The following TAF11L13 variants were observed in gnomAD, a reference collection of about 807,000 sequenced individuals.
TAF11L13 encodes TATA-box binding protein associated factor 11 like 13.
At position 17,632,410 on chromosome 5, in the gene TAF11L13, G is replaced by A. The variant is rs560986474; in HGVS notation, c.323G>A (p.Arg108His). Reference sequence around the variant, plus strand: ...GCCATGTCTGAGGAGCAGCTGTCCCGCTACGAAGTGTGTCGCCGGTCAGCT... The same window carrying A: ...GCCATGTCTGAGGAGCAGCTGTCCCACTACGAAGTGTGTCGCCGGTCAGCT... The change falls in exon 1 of 1, where the codon CGC (arginine) becomes CAC (histidine). Residue 108 changes from arginine (R) to histidine (H), a missense_variant. Physicochemically the swap from Arg to His is conservative, Grantham distance 29. Coordinates refer to ENST00000639073, the Ensembl canonical transcript of TAF11L13. 2,159 of 398,404 alleles carry A rather than the reference G, an allele frequency of 5.4e-3. 78 individuals are homozygous for A. The highest frequency in any genetic ancestry group is 0.039 in the African/African-American group (1,916 of 48,542). 24.7% of individuals were successfully genotyped at this position (398,404 alleles called of 1,614,324 possible). A position where few individuals can be genotyped will look rare whatever the true frequency, so the allele number is the denominator to read the frequency against.
At chr5:17,632,501 G>C (rs1052859143) in exon 1 of TAF11L13, 4 of 398,460 alleles carry the variant, frequency 1.0e-5, no homozygotes, top group African/African-American at 8.3e-5. Context: ...CTGAGAACGC[G>C]GCCATTGCCA....
chr5:17,632,131 C>T (rs1292636085), exon 1 of TAF11L13: 9 of 397,244 alleles, frequency 2.3e-5, no homozygotes, highest in Non-Finnish European at 4.0e-5. Context: ...GAGATGCTCG[C>T]CATGCCCCGA....
chr5:17,632,671 G>C (rs574891750), exon 1 of TAF11L13: 9 of 398,466 alleles, frequency 2.3e-5, no homozygotes, highest in Non-Finnish European at 4.0e-5. Flanking sequence ...AACTACAAAA[G>C]AGTCATGTTC....
exon 1 of TAF11L13, chr5:17,632,376 C>G (rs1284396423): frequency 5.0e-6 from 2 of 398,274 alleles, no homozygotes. Context: ...GATGACAACC[C>G]TGCTGTCTGC....
exon 1 of TAF11L13, chr5:17,632,490 T>G: frequency 2.5e-6 from 1 of 398,526 alleles, no homozygotes; most frequent in Non-Finnish European, 4.4e-6. Context: ...CAGTTCGGTG[T>G]CTGAGAACGC....
exon 1 of TAF11L13, chr5:17,632,311 A>G (rs1579627743): frequency 5.0e-6 from 2 of 398,014 alleles, no homozygotes; most frequent in Non-Finnish European, 4.4e-6. Context: ...CGGAAAACAC[A>G]TACGAAACGC....
chr5:17,632,654 C>T (rs1246134870), exon 1 of TAF11L13: 1 of 398,348 alleles, frequency 2.5e-6, no homozygotes, highest in South Asian at 1.3e-4. Context: ...GCCTCTTCCC[C>T]AACAGCAACT....
exon 1 of TAF11L13, chr5:17,632,264 T>C (rs1739706559): frequency 2.5e-6 from 1 of 397,696 alleles, no homozygotes; most frequent in Non-Finnish European, 4.4e-6. Flanking sequence ...AAGGTGACAG[T>C]GAGGCCTCAG....
At chr5:17,632,359 C>G (rs1383086748) in exon 1 of TAF11L13, 1 of 398,140 alleles carries the variant, frequency 2.5e-6, no homozygotes, top group Non-Finnish European at 4.4e-6. Flanking sequence ...GCAGAGGAGG[C>G]TCAGAGGATG....
At position 17,632,467 on chromosome 5, in the gene TAF11L13, G is replaced by A. The variant is rs143107710; in HGVS notation, c.380G>A (p.Arg127Gln). 5.2e-3 allele frequency: 2,084 copies of A among 398,544 alleles called. 75 individuals carry two copies. Among genetic ancestry groups the A allele is most frequent in the African/African-American group, 0.039 (1,896 of 48,566 alleles). 24.7% of individuals were successfully genotyped at this position (398,544 alleles called of 1,614,324 possible). Residue 127 changes from arginine to glutamine, a missense_variant, in exon 1 of 1, where the codon CGG (arginine) becomes CAG (glutamine). Physicochemically the swap from Arg to Gln is conservative, Grantham distance 43 (BLOSUM62 1). Coordinates refer to ENST00000639073, the Ensembl canonical transcript of TAF11L13. ...AGAGCACGCATTGCGGGTCTGATGC[G>A]GTCTATCACTGGCAGTTCGGTGTCT...
chr5:17,632,529 G>C (rs140160907), exon 1 of TAF11L13: 6,131 of 398,586 alleles, frequency 0.015, 221 homozygotes, highest in Non-Finnish European at 0.016. Context: ...AATAGCCAAG[G>C]TCTTTGTTGG....
At chr5:17,632,096 C>G in exon 1 of TAF11L13, 1 of 396,702 alleles carries the variant, frequency 2.5e-6, no homozygotes, top group Non-Finnish European at 4.4e-6. Flanking sequence ...CCATGGAGAC[C>G]GGCAGGCAAA....
At chr5:17,632,224 T>A in exon 1 of TAF11L13, 1 of 397,856 alleles carries the variant, frequency 2.5e-6, no homozygotes, top group Non-Finnish European at 4.4e-6. Context: ...GAAGGTGAGC[T>A]CAGGAGTGAG....
chr5:17,632,601 C>G (rs1739716250), exon 1 of TAF11L13: 1 of 398,368 alleles, frequency 2.5e-6, no homozygotes, highest in African/African-American at 2.1e-5. Flanking sequence ...CCCGCTGCAG[C>G]CCAAGCATTT....
exon 1 of TAF11L13, chr5:17,632,234 G>A (rs1739706054): frequency 2.5e-6 from 1 of 397,986 alleles, no homozygotes; most frequent in South Asian, 1.3e-4. Context: ...TCAGGAGTGA[G>A]GATGTCATGG....
At chr5:17,632,116 C>G (rs1295170327) in exon 1 of TAF11L13, 3 of 397,108 alleles carry the variant, frequency 7.6e-6, no homozygotes, top group Non-Finnish European at 1.3e-5. Context: ...ACAGGCGTGT[C>G]TGCTGAGATG....
At chr5:17,632,254 A>T (rs1739706329) in exon 1 of TAF11L13, 2 of 397,976 alleles carry the variant, frequency 5.0e-6, no homozygotes, top group Non-Finnish European at 8.9e-6. Context: ...GACCTCACAG[A>T]AGGTGACAGT....
chr5:17,632,406 T>G (rs544401425), exon 1 of TAF11L13: 3 of 398,384 alleles, frequency 7.5e-6, no homozygotes, highest in Non-Finnish European at 1.3e-5. Context: ...GGAGCAGCTG[T>G]CCCGCTACGA....
At chr5:17,632,477 T>TG in the TAF11L13 span, 1 of 398,600 alleles carries the variant, frequency 2.5e-6, no homozygotes, top group East Asian at 3.6e-5. Flanking sequence ...GGTCTATCAC[T>TG]GGCAGTTCGG....
Sources: gnomAD v4.1 joint callset for allele counts on GRCh38, gnomAD v4.1.1 for gene constraint, MANE v1.5 for transcripts, NCBI Gene and HGNC (gene_info 2026-07-23, HGNC 2026-07-21) for gene names.